The following TRIQK variants were observed in gnomAD, a reference collection of about 807,000 sequenced individuals.
TRIQK encodes triple QxxK/R motif-containing protein.
In TRIQK, 10 loss-of-function variants were observed where a neutral mutation model predicts 10.8. The observed-to-expected ratio is 0.92, with a 90% CI of 0.57 to 1.57. TRIQK has a LOEUF of 1.57. Ranked by LOEUF, TRIQK falls within the 40% of genes most tolerant of loss-of-function variation. The pLI is 0.00. For missense variants in TRIQK, 107 were observed against 97.7 expected (o/e 1.09, Z -0.40); for synonymous variants, 33 against 33.7 (o/e 0.98, Z 0.07).
chr8:92,968,823 A>G (rs1812845300), upstream of TRIQK, among the ~76,000 whole-genome samples: 1 of 152,110 alleles, frequency 6.6e-6, no homozygotes, highest in South Asian at 2.1e-4. Flanking sequence ...CCATTTGTCA[A>G]TTTTGGCTTT....
At chr8:92,994,824 T>G (rs1813136268) in intron 1 of TRIQK, among the ~76,000 whole-genome samples, 1 of 152,028 alleles carries the variant, frequency 6.6e-6, no homozygotes, top group African/African-American at 2.4e-5. Flanking sequence ...TTTTGTTGTT[T>G]CTCCCTACAA....
chr8:92,886,626 T>C lies in TRIQK; in HGVS notation c.257A>G (p.Asp86Gly). The C allele has an allele frequency of 6.6e-7, 1 of 1,513,128 alleles. No individual in the cohort carries two copies. Among genetic ancestry groups the C allele is most frequent in the Non-Finnish European group, 8.8e-7 (1 of 1,134,372 alleles). 93.7% of individuals were successfully genotyped at this position (1,513,128 alleles called of 1,614,324 possible). The change falls in exon 5 of 5, where the codon GAT becomes GGT. Residue 86 changes from aspartate to glycine, a missense_variant. By Grantham distance (94) the Asp-to-Gly change is moderately conservative (BLOSUM62 -1). Coordinates refer to ENST00000521988, the MANE Select transcript of TRIQK (RefSeq NM_001171797.2). ...CATGCATTGATTGTTGCTTAGCTAA[T>C]CTTCATCTTGGTCCAGATCAGGGTC... ...DVDPDLDQDE[D>G] is the part of the protein sequence containing the mutation.
At chr8:92,988,152 A>G (rs1813056692) in intron 1 of TRIQK, among the ~76,000 whole-genome samples, 1 of 150,730 alleles carries the variant, frequency 6.6e-6, no homozygotes, top group Non-Finnish European at 1.5e-5. Context: ...CTGGGACTAC[A>G]GGCGCCCACC....
At chr8:93,004,588 G>T (rs543365055) in intron 1 of TRIQK, among the ~76,000 whole-genome samples, 7 of 152,306 alleles carry the variant, frequency 4.6e-5, no homozygotes, top group African/African-American at 1.7e-4. Flanking sequence ...CTACCCCATG[G>T]TTGAGCCGCA....
intron 1 of TRIQK, among the ~76,000 whole-genome samples, chr8:92,984,370 G>A (rs1451985939): frequency 3.1e-4 from 39 of 124,546 alleles, no homozygotes; most frequent in African/African-American, 4.8e-5. Context: ...ACCATTACAC[G>A]AGCCAAGGAT....
intron 1 of TRIQK, among the ~76,000 whole-genome samples, chr8:93,011,646 A>C (rs1813337799): frequency 6.6e-6 from 1 of 152,144 alleles, no homozygotes; most frequent in African/African-American, 2.4e-5. Context: ...AAAACATATG[A>C]GTAGGGAAAA....
At chr8:92,915,130 C>G (rs1406929949) in intron 3 of TRIQK, among the ~76,000 whole-genome samples, 1 of 152,102 alleles carries the variant, frequency 6.6e-6, no homozygotes, top group African/African-American at 2.4e-5. Context: ...TGCATGATCT[C>G]TCTTATCTTT....
intron 3 of TRIQK, among the ~76,000 whole-genome samples, chr8:92,895,108 A>T (rs1010376985): frequency 2.0e-5 from 3 of 152,216 alleles, no homozygotes; most frequent in Non-Finnish European, 2.9e-5. Flanking sequence ...AAGTTAGTTC[A>T]TAATACAAAG....
chr8:92,890,085 T>A (rs1816687965), intron 4 of TRIQK, among the ~76,000 whole-genome samples: 2 of 151,866 alleles, frequency 1.3e-5, no homozygotes, highest in South Asian at 2.1e-4. Flanking sequence ...ATGGATAAAA[T>A]CACTCACTGG....
intron 2 of TRIQK, chr8:92,953,362 C>G (rs976981796): frequency 5.3e-5 from 8 of 151,894 alleles, no homozygotes; most frequent in Admixed American, 6.6e-5. Context: ...AAAATTCCTG[C>G]CTTCATATGC....
At chr8:92,966,825 A>G (rs1025584932), upstream of TRIQK, among the ~76,000 whole-genome samples, 2 of 152,114 alleles carry the variant, frequency 1.3e-5, no homozygotes, top group Admixed American at 6.5e-5. Flanking sequence ...TGCAGCCATC[A>G]TTTTTTAATA....
At chr8:92,994,368 A>G (rs1280537600) in intron 1 of TRIQK, among the ~76,000 whole-genome samples, 1 of 151,250 alleles carries the variant, frequency 6.6e-6, no homozygotes, top group African/African-American at 2.4e-5. Context: ...CCTAGTGTCT[A>G]TCTGCTTACT....
chr8:92,983,269 A>G lies in TRIQK; in HGVS notation c.-180-28705T>C, dbSNP rs372531714. 4.6e-5 allele frequency among the ~76,000 whole-genome samples: 7 copies of G among 152,042 alleles called. No individual in the cohort carries two copies. In the East Asian group the frequency reaches 1.3e-3, roughly 29 times the overall value. ...CAAGGCAGAGGCAGACAAAGGAGAG[A>G]AAAATCTCAATTCAAGTCAAAACAA... On this transcript the variant is annotated intron_variant, in intron 1 of 4. Transcript: ENST00000520686.
At chr8:92,968,973 T>C (rs1421075957), upstream of TRIQK, among the ~76,000 whole-genome samples, 1 of 152,206 alleles carries the variant, frequency 6.6e-6, no homozygotes, top group Non-Finnish European at 1.5e-5. Context: ...GAGTTAATAT[T>C]TATATAAGGT....
intron 1 of TRIQK, among the ~76,000 whole-genome samples, chr8:93,013,444 G>A (rs546729962): frequency 6.6e-6 from 1 of 152,260 alleles, no homozygotes; most frequent in South Asian, 2.1e-4. Flanking sequence ...ATGCTAGTGG[G>A]AAGAAGGACA....
chr8:92,991,733 A>T (rs1813098244), intron 1 of TRIQK, among the ~76,000 whole-genome samples: 3 of 152,194 alleles, frequency 2.0e-5, no homozygotes, highest in Admixed American at 2.0e-4. Flanking sequence ...TGCAGATGAC[A>T]TGATTGTATA....
intron 2 of TRIQK, among the ~76,000 whole-genome samples, chr8:92,920,581 A>C (rs1481249213): frequency 6.6e-6 from 1 of 151,664 alleles, no homozygotes; most frequent in African/African-American, 2.4e-5. Flanking sequence ...AGGGGTTTTC[A>C]CTGTCTCACC....
chr8:92,987,290 G>C (rs1813044942), intron 1 of TRIQK, among the ~76,000 whole-genome samples: 1 of 152,096 alleles, frequency 6.6e-6, no homozygotes, highest in Admixed American at 6.5e-5. Flanking sequence ...TTCAAGAGAT[G>C]GCTCTGTAAA....
chr8:92,964,176 G>A (rs1489312484), intron 1 of TRIQK, among the ~76,000 whole-genome samples: 1 of 152,052 alleles, frequency 6.6e-6, no homozygotes, highest in Non-Finnish European at 1.5e-5. Context: ...ATGGTAAGAG[G>A]CACTGTGGAA....
Sources: allele counts gnomAD v4.1 joint callset (sites outside exome capture counted in the v4.1 genomes callset), GRCh38; gene constraint gnomAD v4.1.1; transcripts MANE v1.5; gene names NCBI Gene and HGNC (gene_info 2026-07-23, HGNC 2026-07-21).